The following KCNIP1 variants were observed in gnomAD, a reference collection of about 807,000 sequenced individuals.
The protein encoded by KCNIP1 is potassium voltage-gated channel interacting protein 1, also known as A-type potassium channel modulatory protein KCNIP1.
KCNIP1 carries 18 observed loss-of-function variants against 33.0 expected under a neutral mutation model. The observed-to-expected ratio is 0.55, with a 90% CI of 0.38 to 0.81. KCNIP1 has a LOEUF of 0.81. Ranked by LOEUF, KCNIP1 falls within the 30% of genes least tolerant of loss-of-function variation. The pLI, the probability that KCNIP1 is intolerant of heterozygous loss-of-function variation, is 0.00. For synonymous variants in KCNIP1, 93 were observed against 98.3 expected, an observed-to-expected ratio of 0.95 and a Z score of 0.32; for missense variants, 238 against 271.6, an observed-to-expected ratio of 0.88 and a Z score of 0.87.
At chr5:170,432,189 A>T (rs1400608967) in intron 1 of KCNIP1, among the ~76,000 whole-genome samples, 5 of 152,172 alleles carry the variant, frequency 3.3e-5, no homozygotes, top group Non-Finnish European at 5.9e-5. Context: ...GGCTTCTGAT[A>T]AAGCCTGAGC....
At chr5:170,608,600 C>T (rs764247407) in intron 1 of KCNIP1, among the ~76,000 whole-genome samples, 4 of 152,006 alleles carry the variant, frequency 2.6e-5, no homozygotes, top group African/African-American at 9.7e-5. Flanking sequence ...GGTAAAACCC[C>T]GTCTCTACTA....
chr5:170,622,817 C>T (rs1759658259), intron 1 of KCNIP1, among the ~76,000 whole-genome samples: 1 of 152,134 alleles, frequency 6.6e-6, no homozygotes, highest in African/African-American at 2.4e-5. Flanking sequence ...TTCAGACTCC[C>T]AGCCTCCAGA....
At chr5:170,416,708 G>GA (rs34825274) in intron 1 of KCNIP1, among the ~76,000 whole-genome samples, 160 of 149,034 alleles carry the variant, frequency 1.1e-3, no homozygotes, top group African/African-American at 3.3e-3. Flanking sequence ...TTCCTGCCTA[G>GA]AAAAAAAAAA....
At chr5:170,560,323 G>C (rs1756990770) in intron 1 of KCNIP1, among the ~76,000 whole-genome samples, 1 of 152,202 alleles carries the variant, frequency 6.6e-6, no homozygotes, top group African/African-American at 2.4e-5. Flanking sequence ...TCTTGGCTGA[G>C]AGCATACATG....
At chr5:170,561,197 G>T (rs940101811) in intron 1 of KCNIP1, 1 of 443,854 alleles carries the variant, frequency 2.3e-6, no homozygotes, top group Non-Finnish European at 4.5e-6. Context: ...TTAATGTGGC[G>T]CACTGACATT....
chr5:170,497,949 G>A (rs757022936), intron 1 of KCNIP1, among the ~76,000 whole-genome samples: 1 of 152,258 alleles, frequency 6.6e-6, no homozygotes. Flanking sequence ...AGGACATGAA[G>A]GGCAGAGCCT....
At chr5:170,568,342 C>T (rs1210059911) in intron 1 of KCNIP1, among the ~76,000 whole-genome samples, 2 of 152,006 alleles carry the variant, frequency 1.3e-5, no homozygotes, top group Non-Finnish European at 2.9e-5. Context: ...AATTTCTGTT[C>T]TTTGTTTACT....
chr5:170,514,865 C>A (rs1260337016), intron 1 of KCNIP1, among the ~76,000 whole-genome samples: 1 of 152,328 alleles, frequency 6.6e-6, no homozygotes, highest in Non-Finnish European at 1.5e-5. Flanking sequence ...ACATTTAAAT[C>A]GTCCTTGTGA....
chr5:170,607,381 T>C (rs1452664166), intron 1 of KCNIP1, among the ~76,000 whole-genome samples: 1 of 152,202 alleles, frequency 6.6e-6, no homozygotes, highest in Admixed American at 6.5e-5. Context: ...CTAAGCATCA[T>C]TATCAAACAT....
chr5:170,550,185 A>C (rs1215941296), intron 1 of KCNIP1, among the ~76,000 whole-genome samples: 1 of 152,180 alleles, frequency 6.6e-6, no homozygotes, highest in Admixed American at 6.5e-5. Context: ...TGGGAGATGC[A>C]AAATTTATTG....
intron 1 of KCNIP1, chr5:170,383,284 G>C (rs1764324966): frequency 4.8e-6 from 2 of 418,644 alleles, no homozygotes; most frequent in South Asian, 7.8e-5. Flanking sequence ...ATTTGACTGA[G>C]GTTGTAGAAT....
chr5:170,712,066 A>T (rs1216453223), intron 1 of KCNIP1, among the ~76,000 whole-genome samples: 1 of 152,134 alleles, frequency 6.6e-6, no homozygotes, highest in Admixed American at 6.5e-5. Context: ...TAGACCCACA[A>T]AGGCCAGCAG....
chr5:170,452,346 C>T lies in KCNIP1; in HGVS notation c.88+98382C>T, dbSNP rs118091875. ...CAAGATAGGGCTTCTCCTTAGCAACCGGAAAGCGCCTAGTGTGCATGGCTA... is the reference window on the plus strand; with the variant it reads ...CAAGATAGGGCTTCTCCTTAGCAACTGGAAAGCGCCTAGTGTGCATGGCTA... On this transcript the variant is annotated intron_variant, in intron 1 of 7. Transcript: ENST00000377360. Among the ~76,000 whole-genome samples, 1,139 of 152,256 alleles carry T rather than the reference C, an allele frequency of 7.5e-3. 10 individuals are homozygous for T. Among genetic ancestry groups the T allele is most frequent in the African/African-American group, 0.024 (1,006 of 41,530 alleles).
At chr5:170,451,873 T>C (rs1175960334) in intron 1 of KCNIP1, among the ~76,000 whole-genome samples, 1 of 152,078 alleles carries the variant, frequency 6.6e-6, no homozygotes, top group Admixed American at 6.6e-5. Flanking sequence ...AAGAATGTTA[T>C]CACTGGATGA....
intron 1 of KCNIP1, among the ~76,000 whole-genome samples, chr5:170,457,548 T>C (rs1756412658): frequency 6.6e-6 from 1 of 152,188 alleles, no homozygotes; most frequent in African/African-American, 2.4e-5. Context: ...AGTACCAGCC[T>C]GGAACCTGGT....
intron 1 of KCNIP1, chr5:170,680,986 A>G (rs1581491719): frequency 2.5e-6 from 1 of 399,120 alleles, no homozygotes; most frequent in Non-Finnish European, 4.4e-6. Context: ...ACTTTAGAAC[A>G]GCAGGAAGGG....
intron 1 of KCNIP1, among the ~76,000 whole-genome samples, chr5:170,540,090 G>A (rs1383236440): frequency 6.6e-6 from 1 of 151,894 alleles, no homozygotes; most frequent in African/African-American, 2.4e-5. Flanking sequence ...CACTGCCTGG[G>A]TCTGGGTTCT....
intron 1 of KCNIP1, among the ~76,000 whole-genome samples, chr5:170,505,609 A>T (rs1561656688): frequency 6.6e-6 from 1 of 152,186 alleles, no homozygotes; most frequent in Non-Finnish European, 1.5e-5. Context: ...TACAGGCCTG[A>T]TAGTGAGTAG....
chr5:170,686,020 G>A (rs551627016), intron 1 of KCNIP1, among the ~76,000 whole-genome samples: 32 of 152,166 alleles, frequency 2.1e-4, no homozygotes, highest in Middle Eastern at 3.4e-3. Flanking sequence ...TTATTCTACA[G>A]ATCAGGTGAA....
Sources: gnomAD v4.1 joint callset for allele counts (sites outside exome capture counted in the v4.1 genomes callset) on GRCh38, gnomAD v4.1.1 for gene constraint, MANE v1.5 for transcripts, NCBI Gene and HGNC (gene_info 2026-07-23, HGNC 2026-07-21) for gene names.